The following AFAP1 variants were observed in gnomAD, a reference collection of about 807,000 sequenced individuals.
AFAP1 encodes actin filament-associated protein 1.
Under a neutral mutation model 93.9 loss-of-function variants are expected in AFAP1, and 75 were observed. That is an observed-to-expected ratio of 0.80 (90% confidence interval 0.66 to 0.97). AFAP1 has a LOEUF of 0.97. Ranked by LOEUF, AFAP1 falls within the 50% of genes least tolerant of loss-of-function variation. The pLI is 0.00. For missense variants in AFAP1, 1,201 were observed against 1,050.8 expected (o/e 1.14, Z -1.98); for synonymous variants, 517 against 430.7 (o/e 1.20, Z -2.48).
intron 2 of AFAP1, among the ~76,000 whole-genome samples, chr4:7,870,350 C>G (rs889316761): frequency 6.6e-6 from 1 of 152,164 alleles, no homozygotes; most frequent in Non-Finnish European, 1.5e-5. Flanking sequence ...AGGGAAGTAA[C>G]AAAATTACTT....
intron 1 of AFAP1, among the ~76,000 whole-genome samples, chr4:7,910,333 C>T (rs1719657147): frequency 6.6e-6 from 1 of 152,136 alleles, no homozygotes; most frequent in Non-Finnish European, 1.5e-5. Flanking sequence ...GGCCTGGTCA[C>T]TTCTCTCTGG....
chr4:7,793,059 G>A (rs1384679536), intron 11 of AFAP1, among the ~76,000 whole-genome samples: 1 of 152,110 alleles, frequency 6.6e-6, no homozygotes, highest in African/African-American at 2.4e-5. Context: ...ATCTCCAGGG[G>A]TTCTGTGGAC....
At chr4:7,863,397 C>A (rs556225279) in intron 3 of AFAP1, among the ~76,000 whole-genome samples, 2 of 151,668 alleles carry the variant, frequency 1.3e-5, no homozygotes, top group African/African-American at 4.8e-5. Flanking sequence ...CCAGCCTGGG[C>A]GACAAAGCGA....
chr4:7,828,106 A>G (rs1013243579), intron 6 of AFAP1, among the ~76,000 whole-genome samples: 2 of 152,180 alleles, frequency 1.3e-5, no homozygotes, highest in Admixed American at 1.3e-4. Context: ...TGCAAGGACA[A>G]TGGATACAGT....
chr4:7,772,781 G>A (rs1295690694), intron 16 of AFAP1, 39 bp downstream of exon 16: 2 of 1,594,774 alleles, frequency 1.3e-6, no homozygotes, highest in South Asian at 1.1e-5. Context: ...GCCACGCAAG[G>A]CCGCGCCAGC....
In AFAP1 at chr4:7,880,875, G is replaced by C. The variant is rs181727292; in HGVS notation, c.-2-8795C>G. ...TTCCTGCTGCATCTGAGAAACACGG[G>C]GAAAGTTGCCACGGGCGACAGGCTC... On this transcript the variant is annotated intron_variant, in intron 1 of 17. Transcript: ENST00000420658. 3.3e-4 allele frequency among the ~76,000 whole-genome samples: 50 copies of C among 152,260 alleles called. No homozygotes were observed. In the East Asian group the frequency reaches 9.1e-3, roughly 28 times the overall value.
intron 16 of AFAP1, 50 bp from the exon 17 acceptor site, chr4:7,769,058 G>A (rs1208795694): frequency 2.0e-6 from 3 of 1,514,526 alleles, no homozygotes; most frequent in Non-Finnish European, 2.7e-6. Flanking sequence ...TGGGCCACTG[G>A]TATTCTCCAG....
intron 1 of AFAP1, among the ~76,000 whole-genome samples, chr4:7,925,928 T>G (rs545529811): frequency 6.6e-6 from 1 of 152,344 alleles, no homozygotes; most frequent in Admixed American, 6.5e-5. Context: ...TATCTTCATC[T>G]TTAATAAAAT....
rs1334227809 is a variant in AFAP1 at position 7,939,816 on chromosome 4, C to T, written c.-163G>A. On this transcript the variant is annotated 5_prime_UTR_variant, in exon 1 of 18. Transcript: ENST00000420658. This position sits in a 1 kb window ranked among gnomAD's most constrained non-coding sequence, Gnocchi z 5.6. Reference sequence around the variant, plus strand: ...CGTGTACCCCGCTCGAGATCCGGCTCGGCTCGCGGAGCTGCAGCCGGCGTG... The same window carrying T: ...CGTGTACCCCGCTCGAGATCCGGCTTGGCTCGCGGAGCTGCAGCCGGCGTG... 1.3e-5 allele frequency: 4 copies of T among 307,412 alleles called. No individual in the cohort carries two copies. Among genetic ancestry groups the T allele is most frequent in the African/African-American group, 7.0e-5 (3 of 43,114 alleles). The allele number at this position is 307,412 out of a possible 1,614,324, so 19.0% of individuals were successfully genotyped here.
At chr4:7,821,859 AAAC>A (rs936674298) in intron 6 of AFAP1, among the ~76,000 whole-genome samples, 1 of 152,190 alleles carries the variant, frequency 6.6e-6, no homozygotes, top group African/African-American at 2.4e-5. Context: ...TTTTATGAAA[AAAC>A]AACAGAGTGA....
chr4:7,899,008 T>C (rs962450871), intron 1 of AFAP1, among the ~76,000 whole-genome samples: 2 of 137,788 alleles, frequency 1.5e-5, no homozygotes, highest in African/African-American at 5.0e-5. Flanking sequence ...AATGTATATA[T>C]ATAAATATAT....
At chr4:7,780,420 G>GA (rs1479815622) in intron 13 of AFAP1, among the ~76,000 whole-genome samples, 2 of 152,186 alleles carry the variant, frequency 1.3e-5, no homozygotes, top group Non-Finnish European at 2.9e-5. Flanking sequence ...AAAGAATGGA[G>GA]AAAAAACAAA....
At chr4:7,845,832 A>G (rs895962585) in intron 4 of AFAP1, among the ~76,000 whole-genome samples, 1 of 152,176 alleles carries the variant, frequency 6.6e-6, no homozygotes, top group South Asian at 2.1e-4. Flanking sequence ...ACCGGGGCCC[A>G]GAGGAAAAAC....
At chr4:7,915,681 C>T (rs567752563) in intron 1 of AFAP1, among the ~76,000 whole-genome samples, 1 of 152,292 alleles carries the variant, frequency 6.6e-6, no homozygotes, top group Non-Finnish European at 1.5e-5. Context: ...CAACATTAAC[C>T]AGGAATAAGT....
chr4:7,938,527 T>A (rs550885134), intron 1 of AFAP1, among the ~76,000 whole-genome samples: 7 of 152,122 alleles, frequency 4.6e-5, no homozygotes, highest in African/African-American at 7.2e-5. Context: ...GGTCTTCCCA[T>A]CAAGCTGAGG....
chr4:7,798,565 G>A (rs1224811203), intron 10 of AFAP1, among the ~76,000 whole-genome samples: 2 of 152,356 alleles, frequency 1.3e-5, no homozygotes, highest in East Asian at 1.9e-4. Context: ...ACTTGTAAGT[G>A]AAGTCACTTT....
chr4:7,904,960 G>C (rs371398834), intron 1 of AFAP1, among the ~76,000 whole-genome samples: 1 of 152,078 alleles, frequency 6.6e-6, no homozygotes, highest in Non-Finnish European at 1.5e-5. Flanking sequence ...CTCCCAGCTC[G>C]GCCTCCCAAA....
chr4:7,777,768 A>G (rs190118267), intron 14 of AFAP1: 29 of 152,370 alleles, frequency 1.9e-4, no homozygotes, highest in African/African-American at 6.7e-4. Context: ...GGACATGCCC[A>G]GATGGACTCA....
chr4:7,881,867 T>G (rs1282999923), intron 1 of AFAP1, among the ~76,000 whole-genome samples: 2 of 152,164 alleles, frequency 1.3e-5, no homozygotes, highest in African/African-American at 2.4e-5. Flanking sequence ...TTCCTAGTTG[T>G]GTGACCTTGG....
Sources: allele counts gnomAD v4.1 joint callset (sites outside exome capture counted in the v4.1 genomes callset), GRCh38; gene constraint gnomAD v4.1.1; non-coding constraint Gnocchi (gnomAD v3.1); transcripts MANE v1.5; gene names NCBI Gene and HGNC (gene_info 2026-07-23, HGNC 2026-07-21).